Variants in ANK3 observed in about 807,000 individuals in gnomAD.
The protein encoded by ANK3 is ankyrin 3.
ANK3 carries 57 observed loss-of-function variants against 370.9 expected under a neutral mutation model. The ratio of observed to expected loss-of-function variants is 0.15; its 90% CI spans 0.12 to 0.19. The LOEUF is 0.19. ANK3 is among the 10% of genes least tolerant of loss of function. The pLI, the probability that ANK3 is intolerant of heterozygous loss-of-function variation, is 1.00. For synonymous variants in ANK3, 1,929 were observed against 1,946.3 expected (o/e 0.99, Z 0.23); for missense variants, 4,439 against 5,302.1 (o/e 0.84, Z 5.06).
chr10:60,038,105 G>C (rs920836673), intron 43 of ANK3, among the ~76,000 whole-genome samples: 1 of 152,166 alleles, frequency 6.6e-6, no homozygotes, highest in Non-Finnish European at 1.5e-5. Context: ...TTTGAAAAGT[G>C]TCTGTGCGTG....
chr10:60,182,533 A>T (rs1277914488), intron 17 of ANK3, among the ~76,000 whole-genome samples: 2 of 152,234 alleles, frequency 1.3e-5, no homozygotes, highest in African/African-American at 4.8e-5. Flanking sequence ...GCTTTCATCC[A>T]TTATGAGCAC....
chr10:60,671,918 G>A (rs1211801139), intron 1 of ANK3, among the ~76,000 whole-genome samples: 1 of 152,190 alleles, frequency 6.6e-6, no homozygotes, highest in Non-Finnish European at 1.5e-5. Context: ...GCTTCTCTGG[G>A]TCATGTATGC....
intron 2 of ANK3, among the ~76,000 whole-genome samples, chr10:60,593,620 G>A (rs1216787464): frequency 6.6e-6 from 1 of 152,058 alleles, no homozygotes; most frequent in Admixed American, 6.6e-5. Flanking sequence ...TATGAACAAT[G>A]TTTATTCATC....
chr10:60,334,905 A>T (rs1018645215), intron 1 of ANK3, among the ~76,000 whole-genome samples: 1 of 152,154 alleles, frequency 6.6e-6, no homozygotes, highest in African/African-American at 2.4e-5. Context: ...GTTAACGTAT[A>T]TCTGGAGTGG....
chr10:60,204,556 T>C (rs575222630), intron 11 of ANK3, among the ~76,000 whole-genome samples: 1 of 152,312 alleles, frequency 6.6e-6, no homozygotes, highest in African/African-American at 2.4e-5. Context: ...ATATTCCATT[T>C]GCAGGCAAGA....
In ANK3 at chr10:60,104,307, G is replaced by A. The variant is rs143894101; in HGVS notation, c.3328+1598C>T. On this transcript the variant is annotated intron_variant, in intron 28 of 43. Coordinates refer to ENST00000280772, the MANE Select transcript of ANK3 (RefSeq NM_020987.5). The stretch of plus-strand genomic sequence containing the variant: ...CAGGAGGCGGACGTTGCAGTGAGCT[G>A]AGATTGTGCCACGGCACTCCAGCCT... Among the ~76,000 whole-genome samples the A allele has an allele frequency of 3.2e-3, 428 of 133,252 alleles. 2 individuals carry two copies. Among genetic ancestry groups the A allele is most frequent in the African/African-American group, 0.011 (395 of 35,646 alleles). The allele number at this position is 133,252 out of a possible 152,430, so 87.4% of individuals were successfully genotyped here.
intron 2 of ANK3, among the ~76,000 whole-genome samples, chr10:60,433,316 C>T (rs1595023965): frequency 1.3e-5 from 2 of 152,088 alleles, no homozygotes; most frequent in South Asian, 4.2e-4. Context: ...AAGAACTTGT[C>T]ATGCTCTCCT....
chr10:60,591,856 T>C (rs894493698), intron 2 of ANK3, among the ~76,000 whole-genome samples: 1 of 152,076 alleles, frequency 6.6e-6, no homozygotes. Flanking sequence ...CTCACTAAGT[T>C]GTGTGATCTA....
chr10:60,104,155 T>C (rs942597298), intron 28 of ANK3, among the ~76,000 whole-genome samples: 15 of 151,550 alleles, frequency 9.9e-5, no homozygotes, highest in Admixed American at 7.9e-4. Context: ...GGTGAAAGAA[T>C]AATTTGTATA....
intron 5 of ANK3, among the ~76,000 whole-genome samples, chr10:60,264,600 G>A (rs886478473): frequency 8.7e-5 from 13 of 149,844 alleles, no homozygotes; most frequent in Admixed American, 6.0e-4. Context: ...CCAAGACCAT[G>A]CCATTTCACC....
intron 7 of ANK3, among the ~76,000 whole-genome samples, chr10:60,240,105 A>ATACATATATATACACACACATAT (rs1565913747): frequency 7.1e-5 from 10 of 141,762 alleles, no homozygotes; most frequent in African/African-American, 2.6e-4. Flanking sequence ...CACACACATA[A>ATACATATATATACACACACATAT]ATACATATAT....
rs116346829 is a variant in ANK3 at position 60,489,495 on chromosome 10, C to T, written c.96+125691G>A. ...AAATATAGAAAAATTAAATTAAAAC[C>T]ATCTGTGATCATATAACTCAAAGAA... On this transcript the variant is annotated intron_variant, in intron 2 of 43. Coordinates refer to the ANK3 transcript ENST00000373827. Among the ~76,000 whole-genome samples the T allele has an allele frequency of 3.9e-3, 598 of 151,910 alleles. 1 individual carries two copies. The highest frequency in any genetic ancestry group is 0.014 in the African/African-American group (576 of 41,434).
At chr10:60,051,348 T>C (rs2131895827) in intron 42 of ANK3, 1 of 316,258 alleles carries the variant, frequency 3.2e-6, no homozygotes, top group Non-Finnish European at 4.6e-6. Context: ...GCAAAAAAAT[T>C]ACACAAAGCC....
chr10:60,579,139 A>G (rs2077716778), intron 2 of ANK3, among the ~76,000 whole-genome samples: 1 of 151,954 alleles, frequency 6.6e-6, no homozygotes, highest in South Asian at 2.1e-4. Context: ...ATCTTGGCCA[A>G]CATGGTGAAA....
At chr10:60,277,162 C>T (rs1280742019) in intron 4 of ANK3, among the ~76,000 whole-genome samples, 2 of 152,162 alleles carry the variant, frequency 1.3e-5, no homozygotes, top group African/African-American at 4.8e-5. Context: ...GGCATCAGAG[C>T]TATCACTGCT....
At position 60,640,711 on chromosome 10, in the gene ANK3, C is replaced by A. The variant is rs1253754489; in HGVS notation, c.58-25487G>T. Among the ~76,000 whole-genome samples the A allele has an allele frequency of 5.0e-5, 4 of 79,592 alleles. 1 individual carries two copies. In the East Asian group the frequency reaches 1.2e-3, roughly 24 times the overall value. The allele number at this position is 79,592 out of a possible 152,430, so 52.2% of individuals were successfully genotyped here. On this transcript the variant is annotated intron_variant, in intron 1 of 43. Coordinates refer to the ANK3 transcript ENST00000373827. ...TGAATGGGCAAAAACTGGAAGCATTCCCTTTGAAAACTGGCACAAGACAGC... is the reference window on the plus strand; with the variant it reads ...TGAATGGGCAAAAACTGGAAGCATTACCTTTGAAAACTGGCACAAGACAGC...
chr10:60,452,460 A>G (rs2064632897), intron 2 of ANK3, among the ~76,000 whole-genome samples: 1 of 152,214 alleles, frequency 6.6e-6, no homozygotes, highest in Non-Finnish European at 1.5e-5. Context: ...ATACCCTTTT[A>G]GTATTATTGA....
intron 18 of ANK3, among the ~76,000 whole-genome samples, chr10:60,173,835 C>T (rs572439075): frequency 6.6e-6 from 1 of 152,306 alleles, no homozygotes; most frequent in African/African-American, 2.4e-5. Context: ...TTAGTATCCA[C>T]TGACCCCTGA....
At chr10:60,625,765 A>T (rs1354680860) in intron 1 of ANK3, among the ~76,000 whole-genome samples, 1 of 152,314 alleles carries the variant, frequency 6.6e-6, no homozygotes, top group Non-Finnish European at 1.5e-5. Context: ...ACACACACAC[A>T]TATCTTTATC....
Sources: gnomAD v4.1 joint callset for allele counts (sites outside exome capture counted in the v4.1 genomes callset) on GRCh38, gnomAD v4.1.1 for gene constraint, MANE v1.5 for transcripts, NCBI Gene and HGNC (gene_info 2026-07-23, HGNC 2026-07-21) for gene names.